Variants in EYA4 observed in about 807,000 individuals in gnomAD.
EYA4 encodes protein phosphatase EYA4.
EYA4 carries 31 observed loss-of-function variants against 87.9 expected under a neutral mutation model. That is an observed-to-expected ratio of 0.35 (90% CI 0.27 to 0.48). The LOEUF is 0.48. Among genes scored for constraint, EYA4 ranks in the 20% least tolerant of loss-of-function variants. The pLI, the probability that EYA4 is intolerant of heterozygous loss-of-function variation, is 0.99. For missense variants in EYA4, 678 were observed against 761.4 expected (o/e 0.89, Z 1.29); for synonymous variants, 263 against 270.6 (o/e 0.97, Z 0.28).
intron 13 of EYA4, among the ~76,000 whole-genome samples, chr6:133,494,982 C>T (rs1381512243): frequency 1.3e-5 from 2 of 152,126 alleles, no homozygotes; most frequent in East Asian, 3.9e-4. Flanking sequence ...CAAAATATCT[C>T]ATGACGCCAG....
chr6:133,385,440 TGA>T lies in EYA4; in HGVS notation c.83+3016_83+3017del, dbSNP rs757918130. Among the ~76,000 whole-genome samples the T allele has an allele frequency of 5.1e-3, 525 of 103,878 alleles. 2 individuals are homozygous for T. The highest frequency in any genetic ancestry group is 0.011 in the African/African-American group (322 of 28,854). 68.1% of individuals were successfully genotyped at this position (103,878 alleles called of 152,430 possible). The stretch of plus-strand genomic sequence containing the variant: ...GTGTGTGTGTGTGTGTGTGTGTGTG[TGA>T]GAGAGAGAGAGAGAGATTCAGATTG... On this transcript the variant is annotated intron_variant, in intron 3 of 19. Coordinates refer to ENST00000355286, the MANE Select transcript of EYA4 (RefSeq NM_004100.5).
intron 9 of EYA4, among the ~76,000 whole-genome samples, chr6:133,463,199 G>A (rs1794549236): frequency 6.6e-6 from 1 of 151,808 alleles, no homozygotes; most frequent in Non-Finnish European, 1.5e-5. Context: ...GACCAGTTGA[G>A]GATTTTTTGT....
At chr6:133,319,022 A>G (rs1033000806) in intron 2 of EYA4, among the ~76,000 whole-genome samples, 2 of 152,214 alleles carry the variant, frequency 1.3e-5, no homozygotes, top group African/African-American at 4.8e-5. Context: ...CAGCCTGTCC[A>G]GCAGGCAGCT....
intron 2 of EYA4, among the ~76,000 whole-genome samples, chr6:133,277,158 A>G: frequency 6.6e-6 from 1 of 152,188 alleles, no homozygotes. Context: ...GTGTAGACAT[A>G]GCAGTAGGAG....
chr6:133,473,038 T>C (rs941086517), intron 11 of EYA4, among the ~76,000 whole-genome samples: 1 of 152,026 alleles, frequency 6.6e-6, no homozygotes, highest in African/African-American at 2.4e-5. Context: ...TATATAAATA[T>C]ATAAAGAACT....
intron 3 of EYA4, among the ~76,000 whole-genome samples, chr6:133,393,113 A>G (rs1379840342): frequency 2.0e-5 from 3 of 152,212 alleles, no homozygotes; most frequent in Admixed American, 6.5e-5. Flanking sequence ...GTTATTAAGC[A>G]TCTTAAATCC....
Position 133,525,213 on chromosome 6 carries a change from G to A in EYA4, c.1798G>A (p.Val600Ile), listed in dbSNP as rs1270264437. 2 of 1,613,750 alleles carry A rather than the reference G, an allele frequency of 1.2e-6. No homozygotes were observed. The highest frequency in any genetic ancestry group is 1.7e-6 in the Non-Finnish European group (2 of 1,179,770). ...QRFGRKVVYV[V>I]IGDGVEEEQA... ...GTTTGGCAGAAAAGTAGTGTATGTTGTAATTGGGGATGGTGTAGAAGAAGA... is the reference window on the plus strand; with the variant it reads ...GTTTGGCAGAAAAGTAGTGTATGTTATAATTGGGGATGGTGTAGAAGAAGA... Residue 600 changes from valine to isoleucine, a missense_variant, in exon 19 of 20, where the codon GTA becomes ATA. Val to Ile is a conservative substitution (Grantham distance 29, BLOSUM62 3). Transcript: ENST00000355286.
intron 3 of EYA4, among the ~76,000 whole-genome samples, chr6:133,442,324 A>G (rs1194415405): frequency 4.0e-5 from 6 of 151,798 alleles, no homozygotes; most frequent in Non-Finnish European, 7.4e-5. Context: ...CTGGCAGTTA[A>G]GGTGAGGATC....
At chr6:133,246,020 C>A (rs953993687) in intron 1 of EYA4, among the ~76,000 whole-genome samples, 1 of 152,162 alleles carries the variant, frequency 6.6e-6, no homozygotes, top group African/African-American at 2.4e-5. Flanking sequence ...CCCTTTCACA[C>A]CTCCAGAAAA....
At chr6:133,441,031 T>C (rs1792226202) in intron 3 of EYA4, among the ~76,000 whole-genome samples, 1 of 152,198 alleles carries the variant, frequency 6.6e-6, no homozygotes, top group East Asian at 1.9e-4. Flanking sequence ...GCTGTAAGGC[T>C]CTGGGGTTGA....
chr6:133,343,524 C>T (rs1232044980), intron 2 of EYA4, among the ~76,000 whole-genome samples: 1 of 151,220 alleles, frequency 6.6e-6, no homozygotes, highest in African/African-American at 2.4e-5. Flanking sequence ...TAGCCTCCCC[C>T]TAGCTCAACA....
intron 2 of EYA4, among the ~76,000 whole-genome samples, chr6:133,349,432 C>T (rs1177192434): frequency 6.6e-6 from 1 of 152,076 alleles, no homozygotes; most frequent in Non-Finnish European, 1.5e-5. Flanking sequence ...CTAGGACAGT[C>T]CTTGACACAT....
intron 13 of EYA4, among the ~76,000 whole-genome samples, chr6:133,500,168 A>C (rs1378012022): frequency 6.6e-6 from 1 of 151,774 alleles, no homozygotes; most frequent in African/African-American, 2.4e-5. Context: ...TCGTTTGTAC[A>C]TTGGACTCAC....
intron 2 of EYA4, among the ~76,000 whole-genome samples, chr6:133,371,788 G>C (rs1270678318): frequency 6.6e-6 from 1 of 152,160 alleles, no homozygotes; most frequent in East Asian, 1.9e-4. Flanking sequence ...TGCAGCTGTT[G>C]AAGAAATAGA....
chr6:133,275,713 C>CT (rs1488772617), intron 2 of EYA4, among the ~76,000 whole-genome samples: 3 of 152,120 alleles, frequency 2.0e-5, no homozygotes, highest in African/African-American at 7.2e-5. Flanking sequence ...GATGTATATT[C>CT]TGGTGCCATT....
At chr6:133,331,231 G>A (rs1449846667) in intron 2 of EYA4, among the ~76,000 whole-genome samples, 3 of 151,972 alleles carry the variant, frequency 2.0e-5, no homozygotes, top group African/African-American at 7.2e-5. Flanking sequence ...AATGACTAAA[G>A]GATGGCTCAA....
At chr6:133,495,173 G>A (rs1797531006) in intron 13 of EYA4, among the ~76,000 whole-genome samples, 1 of 151,988 alleles carries the variant, frequency 6.6e-6, no homozygotes, top group Non-Finnish European at 1.5e-5. Flanking sequence ...GGAGGCTGAG[G>A]CAGCAGAATC....
intron 2 of EYA4, among the ~76,000 whole-genome samples, chr6:133,294,023 TTATATATATATATATATATATATATA>T (rs71771244): frequency 1.4e-4 from 11 of 78,780 alleles, no homozygotes; most frequent in Middle Eastern, 8.2e-3. Flanking sequence ...TAGGGTGATT[TTATATATATATATATATATATATATA>T]TATATATATA....
At chr6:133,500,214 C>CTCAGATAA (rs1016571947) in intron 13 of EYA4, among the ~76,000 whole-genome samples, 6 of 151,888 alleles carry the variant, frequency 4.0e-5, no homozygotes, top group African/African-American at 1.5e-4. Context: ...GTGGACCCAC[C>CTCAGATAA]TCAGATAATC....
Sources: allele counts gnomAD v4.1 joint callset (sites outside exome capture counted in the v4.1 genomes callset), GRCh38; gene constraint gnomAD v4.1.1; transcripts MANE v1.5; gene names NCBI Gene and HGNC (gene_info 2026-07-23, HGNC 2026-07-21).